SND1: variants seen among roughly 807,000 people sequenced by gnomAD.
SND1 encodes the protein staphylococcal nuclease and tudor domain containing 1, also known as staphylococcal nuclease domain-containing protein 1.
A neutral mutation model predicts 121.7 loss-of-function variants in SND1; 38 were observed. That is an observed-to-expected ratio of 0.31 (90% CI 0.24 to 0.41). The LOEUF is 0.41. Among genes scored for constraint, SND1 ranks in the 10% least tolerant of loss-of-function variants. The pLI, the probability that SND1 is intolerant of heterozygous loss-of-function variation, is 1.00. For synonymous variants in SND1, 401 were observed against 447.4 expected, an observed-to-expected ratio of 0.90 and a Z score of 1.31; for missense variants, 868 against 1,184.6, an observed-to-expected ratio of 0.73 and a Z score of 3.92.
At chr7:127,964,237 G>A (rs1801804181) in intron 15 of SND1, among the ~76,000 whole-genome samples, 1 of 151,432 alleles carries the variant, frequency 6.6e-6, no homozygotes. Flanking sequence ...TTCTTTTGCT[G>A]TGCAGAAGCT....
intron 16 of SND1, among the ~76,000 whole-genome samples, chr7:128,011,779 TA>T (rs1290621174): frequency 6.6e-6 from 1 of 152,226 alleles, no homozygotes; most frequent in African/African-American, 2.4e-5. Flanking sequence ...AAAATGAACA[TA>T]TTTTTTAGAG....
intron 10 of SND1, among the ~76,000 whole-genome samples, chr7:127,781,185 C>T (rs1254286254): frequency 6.6e-6 from 1 of 152,208 alleles, no homozygotes; most frequent in Non-Finnish European, 1.5e-5. Flanking sequence ...ACATGGGAAG[C>T]TGAACTTAAA....
At chr7:127,718,336 C>G (rs1431651678) in intron 9 of SND1, among the ~76,000 whole-genome samples, 2 of 152,124 alleles carry the variant, frequency 1.3e-5, no homozygotes, top group South Asian at 2.1e-4. Context: ...CAGTAATCCA[C>G]TCTGCATCTC....
At chr7:127,721,422 C>A in intron 10 of SND1, 22 bp downstream of exon 10, 2 of 1,414,680 alleles carry the variant, frequency 1.4e-6, no homozygotes, top group Non-Finnish European at 2.0e-6. Context: ...GAAGCAGCCG[C>A]GCCTCTTTGC....
intron 11 of SND1, among the ~76,000 whole-genome samples, chr7:127,829,271 G>A (rs1224775021): frequency 1.3e-5 from 2 of 152,216 alleles, no homozygotes; most frequent in African/African-American, 4.8e-5. Context: ...AACAGTGGCT[G>A]TACTCTTCAT....
At chr7:127,944,074 G>A (rs1801274186) in intron 15 of SND1, among the ~76,000 whole-genome samples, 1 of 152,168 alleles carries the variant, frequency 6.6e-6, no homozygotes, top group African/African-American at 2.4e-5. Context: ...GAATTAAGTG[G>A]GTTAGAAATA....
intron 16 of SND1, among the ~76,000 whole-genome samples, chr7:128,073,905 C>T (rs1219295435): frequency 1.3e-5 from 2 of 152,186 alleles, no homozygotes; most frequent in Non-Finnish European, 2.9e-5. Flanking sequence ...GGTTCAGCCA[C>T]AGCCCACACC....
intron 2 of SND1, among the ~76,000 whole-genome samples, chr7:127,693,474 A>G (rs928119849): frequency 6.6e-6 from 1 of 152,174 alleles, no homozygotes. Context: ...TTTTATGACT[A>G]CCAGCCCAAC....
At chr7:127,720,394 G>A (rs1796471344) in intron 9 of SND1, among the ~76,000 whole-genome samples, 1 of 152,072 alleles carries the variant, frequency 6.6e-6, no homozygotes, top group African/African-American at 2.4e-5. Flanking sequence ...GTAATAAAGT[G>A]TTGCTTCAAA....
chr7:128,049,967 G>A (rs1314332984), intron 16 of SND1, among the ~76,000 whole-genome samples: 1 of 152,170 alleles, frequency 6.6e-6, no homozygotes, highest in African/African-American at 2.4e-5. Flanking sequence ...GGTTCTCAGA[G>A]AGCACTGCAT....
chr7:127,790,634 G>A (rs564627555), intron 10 of SND1, among the ~76,000 whole-genome samples: 5 of 152,202 alleles, frequency 3.3e-5, no homozygotes, highest in African/African-American at 1.2e-4. Flanking sequence ...TGAGCATAGT[G>A]GTATCAAAAA....
Position 128,087,736 on chromosome 7 carries a change from T to C in SND1, c.2418+685T>C, listed in dbSNP as rs79898003. 1.8e-3 allele frequency among the ~76,000 whole-genome samples: 281 copies of C among 152,038 alleles called. 9 individuals are homozygous for C. The East Asian group carries it at 0.039, about 21-fold the overall frequency. On this transcript the variant is annotated intron_variant, in intron 21 of 23. Transcript: ENST00000354725. ...CATGCGGTGTACAAGATTGCCCAGA[T>C]TGAGTATGTGGAAGGTGTGATGGGG...
chr7:128,062,442 C>G (rs898022437), intron 16 of SND1, among the ~76,000 whole-genome samples: 2 of 152,200 alleles, frequency 1.3e-5, no homozygotes, highest in Admixed American at 1.3e-4. Flanking sequence ...CTTTCACCCT[C>G]TGGTGCTTTC....
At chr7:128,036,881 C>T (rs1792760397) in intron 16 of SND1, among the ~76,000 whole-genome samples, 1 of 152,218 alleles carries the variant, frequency 6.6e-6, no homozygotes, top group Non-Finnish European at 1.5e-5. Context: ...GGCTTTTCCT[C>T]TTTAATTGCC....
At chr7:127,781,795 G>GA (rs1393268951) in intron 10 of SND1, among the ~76,000 whole-genome samples, 2 of 152,152 alleles carry the variant, frequency 1.3e-5, no homozygotes, top group African/African-American at 4.8e-5. Context: ...CAGTAATAAT[G>GA]AAAATGTTCC....
intron 10 of SND1, among the ~76,000 whole-genome samples, chr7:127,783,008 A>G (rs1236382743): frequency 6.6e-6 from 1 of 152,228 alleles, no homozygotes; most frequent in East Asian, 1.9e-4. Flanking sequence ...TTCAGCAAAC[A>G]TGCTGCAGGA....
intron 11 of SND1, among the ~76,000 whole-genome samples, chr7:127,828,236 A>G (rs1384273444): frequency 6.6e-6 from 1 of 152,090 alleles, no homozygotes; most frequent in African/African-American, 2.4e-5. Context: ...ACCTCAGGTG[A>G]TCTGCCTGCC....
chr7:127,893,436 T>A (rs1189907399), intron 13 of SND1, among the ~76,000 whole-genome samples: 2 of 152,160 alleles, frequency 1.3e-5, no homozygotes, highest in Non-Finnish European at 2.9e-5. Flanking sequence ...AGAATCTGGC[T>A]CTTTGCAGGA....
intron 12 of SND1, chr7:127,857,779 T>C: frequency 2.9e-6 from 2 of 678,550 alleles, no homozygotes; most frequent in Non-Finnish European, 5.4e-6. Context: ...CCTCACTGCC[T>C]GAGACACTTG....
Sources: allele counts gnomAD v4.1 joint callset (sites outside exome capture counted in the v4.1 genomes callset), GRCh38; gene constraint gnomAD v4.1.1; transcripts MANE v1.5; gene names NCBI Gene and HGNC (gene_info 2026-07-23, HGNC 2026-07-21).